Variants in JPH2 observed in about 807,000 individuals in gnomAD.
The protein encoded by JPH2 is junctophilin 2.
A neutral mutation model predicts 55.9 loss-of-function variants in JPH2; 38 were observed. That is an observed-to-expected ratio of 0.68 (90% CI 0.52 to 0.89). JPH2 has a LOEUF of 0.89. JPH2 is among the 40% of genes least tolerant of loss of function. The probability of loss-of-function intolerance (pLI) is 0.00; values close to 1 mark genes in which losing one functional copy is unlikely to be tolerated. For missense variants in JPH2, 964 were observed against 1,037.6 expected (o/e 0.93, Z 0.97); for synonymous variants, 480 against 472.4 (o/e 1.02, Z -0.21).
rs751510352 is a variant in JPH2, at chr20:44,120,080, C to T, written c.1170-1457G>A. On this transcript the variant is annotated intron_variant, in intron 2 of 5. Transcript: ENST00000372980. ...ACATCTCAGCTCATCTCCTTCCCTA[C>T]GCCATCCTGCCTCTCATTCTTCTCT... Among the ~76,000 whole-genome samples, 191 of 152,084 alleles carry T rather than the reference C, an allele frequency of 1.3e-3. 3 individuals are homozygous for T. Among genetic ancestry groups the T allele is most frequent in the South Asian group, 3.5e-3 (17 of 4,820 alleles).
chr20:44,180,077 G>A (rs2072767297), intron 1 of JPH2, among the ~76,000 whole-genome samples: 1 of 152,206 alleles, frequency 6.6e-6, no homozygotes, highest in Non-Finnish European at 1.5e-5. Flanking sequence ...AGTTAGCTGG[G>A]CATGGTGGCA....
intron 2 of JPH2, 114 bp from the exon 3 acceptor site, chr20:44,118,737 G>A: frequency 1.2e-6 from 1 of 836,262 alleles, no homozygotes; most frequent in Non-Finnish European, 2.0e-6. Context: ...CACGCAGGCA[G>A]TCAATGAATA....
At position 44,149,962 on chromosome 20, in the gene JPH2, GGAAAAAAAAA is replaced by G. The variant is rs1331084597; in HGVS notation, c.1169+9646_1169+9655del. ...ACTGCACTCCAGCCTGGGCGACAGA[GGAAAAAAAAA>G]AAAAAAAAAAAAAAAAGAATTGGAA... On this transcript the variant is annotated intron_variant, in intron 2 of 5. Transcript: ENST00000372980. Among the ~76,000 whole-genome samples the G allele has an allele frequency of 6.9e-4, 80 of 116,768 alleles. 1 individual carries two copies. Among genetic ancestry groups the G allele is most frequent in the East Asian group, 1.5e-3 (7 of 4,584 alleles). The allele number at this position is 116,768 out of a possible 152,430, so 76.6% of individuals were successfully genotyped here. A position where few individuals can be genotyped will look rare whatever the true frequency, so the allele number is the denominator to read the frequency against.
intron 1 of JPH2, among the ~76,000 whole-genome samples, chr20:44,172,799 T>G (rs2072708144): frequency 6.6e-6 from 1 of 152,128 alleles, no homozygotes; most frequent in South Asian, 2.1e-4. Flanking sequence ...CAATAACCCA[T>G]ATTTAATATG....
intron 1 of JPH2, among the ~76,000 whole-genome samples, chr20:44,166,978 C>T (rs2072660326): frequency 6.6e-6 from 1 of 152,224 alleles, no homozygotes; most frequent in Non-Finnish European, 1.5e-5. Context: ...TCTTGGACTG[C>T]TCACCACTCA....
At chr20:44,155,630 C>G (rs1422344269) in intron 2 of JPH2, among the ~76,000 whole-genome samples, 2 of 152,122 alleles carry the variant, frequency 1.3e-5, no homozygotes, top group Non-Finnish European at 2.9e-5. Context: ...TCAGAGAAAC[C>G]TGGCTGACCC....
At chr20:44,146,111 G>A (rs1428050835) in intron 2 of JPH2, among the ~76,000 whole-genome samples, 1 of 150,588 alleles carries the variant, frequency 6.6e-6, no homozygotes, top group Non-Finnish European at 1.5e-5. Flanking sequence ...TCGGCTCACT[G>A]CAAGCTCCGC....
rs1364596908 is a variant in JPH2, at chr20:44,134,105, A to G, written c.1170-15482T>C. Among the ~76,000 whole-genome samples, 2 of 34,414 alleles carry G rather than the reference A, an allele frequency of 5.8e-5. 1 individual carries two copies. Among genetic ancestry groups the G allele is most frequent in the African/African-American group, 2.2e-4 (2 of 9,094 alleles). 22.6% of individuals were successfully genotyped at this position (34,414 alleles called of 152,430 possible). On this transcript the variant is annotated intron_variant, in intron 2 of 5. Transcript: ENST00000372980. ...TTTATTATAAATATATATTTATTAT[A>G]AATATATAAATAAATATTTATTATA...
intron 1 of JPH2, among the ~76,000 whole-genome samples, chr20:44,164,827 CTT>C (rs71195523): frequency 0.062 from 8,226 of 133,356 alleles, 753 homozygotes; most frequent in African/African-American, 0.2. Context: ...TGTTCTGCAC[CTT>C]TTTTTTTTTT....
rs2145834115 is a variant in JPH2, at chr20:44,110,869, C to A, written c.*2649G>T. Among the ~76,000 whole-genome samples, 1 of 152,306 alleles carries A rather than the reference C, an allele frequency of 6.6e-6. No homozygotes were observed. The highest frequency in any genetic ancestry group is 2.4e-5 in the African/African-American group (1 of 41,576). Reference sequence around the variant, plus strand: ...GGCACAGAAAGAGGGAGTGAGGGAGCACATGGCCCATCAGTGATAGGGCTG... The same window carrying A: ...GGCACAGAAAGAGGGAGTGAGGGAGAACATGGCCCATCAGTGATAGGGCTG... On this transcript the variant is annotated 3_prime_UTR_variant, in exon 6 of 6. Coordinates refer to ENST00000372980, the MANE Select transcript of JPH2 (RefSeq NM_020433.5).
intron 2 of JPH2, among the ~76,000 whole-genome samples, chr20:44,141,889 A>G (rs1259305832): frequency 6.6e-6 from 1 of 152,166 alleles, no homozygotes; most frequent in Non-Finnish European, 1.5e-5. Context: ...CCATGGGTAG[A>G]AACTACAGAG....
chr20:44,116,468 G>A (rs1203949422), intron 3 of JPH2, 82 bp from the exon 4 acceptor site: 2 of 1,499,850 alleles, frequency 1.3e-6, no homozygotes, highest in African/African-American at 1.4e-5. Flanking sequence ...CACCTCTCGA[G>A]CCTCATTCAT....
chr20:44,181,466 T>A (rs2072782956), intron 1 of JPH2, among the ~76,000 whole-genome samples: 1 of 152,228 alleles, frequency 6.6e-6, no homozygotes, highest in Non-Finnish European at 1.5e-5. Context: ...TTCTGTTCTT[T>A]CCTTTTGAAA....
At chr20:44,151,867 C>T (rs1033652086) in intron 2 of JPH2, among the ~76,000 whole-genome samples, 1 of 152,220 alleles carries the variant, frequency 6.6e-6, no homozygotes, top group Non-Finnish European at 1.5e-5. Flanking sequence ...CACATTCCTA[C>T]CTTCATGTCT....
intron 4 of JPH2, among the ~76,000 whole-genome samples, chr20:44,115,423 A>G (rs1436213078): frequency 1.3e-5 from 2 of 152,136 alleles, no homozygotes; most frequent in African/African-American, 2.4e-5. Flanking sequence ...GTCTCTGCCA[A>G]TGGGATACCA....
rs1193321209 is a variant in JPH2, at chr20:44,151,516, C to CA, written c.1169+8101dup. On this transcript the variant is annotated intron_variant, in intron 2 of 5. Coordinates refer to ENST00000372980, the MANE Select transcript of JPH2 (RefSeq NM_020433.5). ...TGGGCGACAGAGCAAGACTCTGTCT[C>CA]AAAAAAAAAACAGAAAGAAAAATCA... Among the ~76,000 whole-genome samples, 219 of 143,910 alleles carry CA rather than the reference C, an allele frequency of 1.5e-3. 4 individuals are homozygous for CA. The East Asian group carries it at 0.02, about 13-fold the overall frequency. The allele number at this position is 143,910 out of a possible 152,430, so 94.4% of individuals were successfully genotyped here.
chr20:44,134,705 ATATATATTATAAATATATATTTAT>A lies in JPH2; in HGVS notation c.1170-16106_1170-16083del, dbSNP rs1569195282. On this transcript the variant is annotated intron_variant, in intron 2 of 5. Transcript: ENST00000372980. ...AAATATTATAAATATATATACATTA[ATATATATTATAAATATATATTTAT>A]TATAAATATATAAAGATATATTTAT... is the stretch of plus-strand genomic sequence containing the variant. Among the ~76,000 whole-genome samples, 52 of 62,162 alleles carry A rather than the reference ATATATATTATAAATATATATTTAT, an allele frequency of 8.4e-4. 4 individuals are homozygous for A. Among genetic ancestry groups the A allele is most frequent in the African/African-American group, 3.6e-3 (49 of 13,534 alleles). The allele number at this position is 62,162 out of a possible 152,430, so 40.8% of individuals were successfully genotyped here. A position where few individuals can be genotyped will look rare whatever the true frequency, so the allele number is the denominator to read the frequency against.
chr20:44,176,787 C>T, intron 1 of JPH2: 1 of 850,858 alleles, frequency 1.2e-6, no homozygotes, highest in Non-Finnish European at 1.4e-6. Context: ...GAGCAAGACC[C>T]TGTTAAAAAA....
intron 1 of JPH2, among the ~76,000 whole-genome samples, chr20:44,184,206 CA>C (rs952783043): frequency 2.0e-4 from 30 of 152,180 alleles, no homozygotes; most frequent in Admixed American, 1.7e-3. Context: ...TTGGGTTTTG[CA>C]GGACAAGAAG....
Sources: gnomAD v4.1 joint callset for allele counts (sites outside exome capture counted in the v4.1 genomes callset) on GRCh38, gnomAD v4.1.1 for gene constraint, MANE v1.5 for transcripts, NCBI Gene and HGNC (gene_info 2026-07-23, HGNC 2026-07-21) for gene names.